THSD4: variants seen among roughly 807,000 people sequenced by gnomAD.
THSD4 encodes the protein thrombospondin type 1 domain containing 4, also known as thrombospondin type-1 domain-containing protein 4.
A neutral mutation model predicts 119.0 loss-of-function variants in THSD4; 69 were observed. The ratio of observed to expected loss-of-function variants is 0.58; its 90% confidence interval spans 0.48 to 0.71. THSD4 has a LOEUF of 0.71. THSD4 is among the 30% of genes least tolerant of loss of function. The pLI is 0.00. For synonymous variants in THSD4, 524 were observed against 540.4 expected, an observed-to-expected ratio of 0.97 and a Z score of 0.42; for missense variants, 1,393 against 1,391.1, an observed-to-expected ratio of 1.00 and a Z score of -0.02.
At chr15:71,403,720 A>C (rs1015777046) in intron 6 of THSD4, among the ~76,000 whole-genome samples, 1 of 152,258 alleles carries the variant, frequency 6.6e-6, no homozygotes, top group Non-Finnish European at 1.5e-5. Flanking sequence ...CAATAAAAGC[A>C]GTAGATCTCT....
chr15:71,684,515 ATCT>A (rs1567099795), intron 8 of THSD4, among the ~76,000 whole-genome samples: 1 of 130,540 alleles, frequency 7.7e-6, no homozygotes, highest in Non-Finnish European at 1.6e-5. Flanking sequence ...TAATCTTGTA[ATCT>A]TTTTTTTTTT....
At chr15:71,746,431 A>G (rs956447564) in intron 12 of THSD4, among the ~76,000 whole-genome samples, 1 of 151,938 alleles carries the variant, frequency 6.6e-6, no homozygotes, top group Non-Finnish European at 1.5e-5. Flanking sequence ...GTCCTACTCC[A>G]TTGCCCAGGC....
intron 8 of THSD4, among the ~76,000 whole-genome samples, chr15:71,710,694 T>C (rs1370360650): frequency 6.6e-6 from 1 of 152,206 alleles, no homozygotes; most frequent in Non-Finnish European, 1.5e-5. Context: ...TAAGCCTGGA[T>C]TGAGCTCTTT....
At chr15:71,150,198 C>G (rs544331290) in intron 2 of THSD4, among the ~76,000 whole-genome samples, 4 of 152,274 alleles carry the variant, frequency 2.6e-5, no homozygotes, top group African/African-American at 9.6e-5. Context: ...AAATAACACA[C>G]GAGTTGCACA....
At chr15:71,131,039 C>T (rs560023346) in intron 1 of THSD4, among the ~76,000 whole-genome samples, 8 of 152,292 alleles carry the variant, frequency 5.3e-5, no homozygotes, top group East Asian at 1.9e-4. Flanking sequence ...CCACTGTGCC[C>T]GGCCAATAAA....
intron 4 of THSD4, among the ~76,000 whole-genome samples, chr15:71,222,955 A>G (rs914189900): frequency 3.3e-5 from 5 of 152,132 alleles, no homozygotes; most frequent in Admixed American, 3.3e-4. Flanking sequence ...TGCCGATGTT[A>G]CTTAACTTTT....
chr15:71,455,071 A>G (rs921316608), intron 7 of THSD4, among the ~76,000 whole-genome samples: 2 of 152,082 alleles, frequency 1.3e-5, no homozygotes, highest in Non-Finnish European at 2.9e-5. Flanking sequence ...GTGGGGCTGG[A>G]TTTTCTACCA....
chr15:71,680,874 A>T (rs1224722313), intron 8 of THSD4, among the ~76,000 whole-genome samples: 1 of 152,170 alleles, frequency 6.6e-6, no homozygotes, highest in African/African-American at 2.4e-5. Context: ...AATGACTGGC[A>T]CAAAATACTT....
chr15:71,671,097 A>G (rs1229764120), intron 8 of THSD4, among the ~76,000 whole-genome samples: 2 of 152,262 alleles, frequency 1.3e-5, no homozygotes, highest in Non-Finnish European at 1.5e-5. Context: ...TTACAGTCCC[A>G]CCAACAGTGT....
At chr15:71,155,165 G>A (rs973697452) in intron 3 of THSD4, among the ~76,000 whole-genome samples, 4 of 152,214 alleles carry the variant, frequency 2.6e-5, no homozygotes, top group Non-Finnish European at 4.4e-5. Context: ...AGGCTGTACA[G>A]GAAGCATGAT....
At chr15:71,679,503 C>A (rs548875647) in intron 8 of THSD4, among the ~76,000 whole-genome samples, 2 of 152,238 alleles carry the variant, frequency 1.3e-5, no homozygotes, top group South Asian at 4.2e-4. Flanking sequence ...TGTGGTTTGC[C>A]CACCCTTGTT....
chr15:71,192,132 T>G (rs1156501324), intron 3 of THSD4, among the ~76,000 whole-genome samples: 7 of 151,654 alleles, frequency 4.6e-5, no homozygotes, highest in Admixed American at 1.3e-4. Context: ...TTGAACTCCT[T>G]ACCTTGTGAT....
chr15:71,550,341 T>A (rs1444180451), intron 7 of THSD4, among the ~76,000 whole-genome samples: 1 of 152,198 alleles, frequency 6.6e-6, no homozygotes, highest in Non-Finnish European at 1.5e-5. Context: ...CATTGTTATA[T>A]GTAGGGACAG....
chr15:71,180,158 A>C (rs1213641401), intron 3 of THSD4, among the ~76,000 whole-genome samples: 3 of 23,918 alleles, frequency 1.3e-4, no homozygotes, highest in Admixed American at 9.0e-4. Flanking sequence ...AAAAACATTA[A>C]AAAAAAAAAA....
At chr15:71,284,863 C>T (rs977746809) in intron 6 of THSD4, among the ~76,000 whole-genome samples, 2 of 152,052 alleles carry the variant, frequency 1.3e-5, no homozygotes, top group African/African-American at 4.8e-5. Context: ...TTTAAGAACA[C>T]TAGTCATGAC....
At chr15:71,628,333 T>C (rs1418222916) in intron 7 of THSD4, among the ~76,000 whole-genome samples, 1 of 152,208 alleles carries the variant, frequency 6.6e-6, no homozygotes, top group African/African-American at 2.4e-5. Flanking sequence ...CTTAACTGGA[T>C]AGTTTTATGT....
At chr15:71,499,942 A>C (rs1250230131) in intron 7 of THSD4, among the ~76,000 whole-genome samples, 1 of 152,212 alleles carries the variant, frequency 6.6e-6, no homozygotes, top group East Asian at 1.9e-4. Flanking sequence ...AGCAGTGAAC[A>C]TGGGTGTGCA....
intron 6 of THSD4, among the ~76,000 whole-genome samples, chr15:71,389,810 G>GTTT (rs556682631): frequency 8.0e-5 from 7 of 87,996 alleles, no homozygotes; most frequent in African/African-American, 8.7e-5. Flanking sequence ...TTTCTGGGTT[G>GTTT]TTTTTTTTTT....
intron 7 of THSD4, among the ~76,000 whole-genome samples, chr15:71,529,650 A>T (rs1345150929): frequency 2.0e-4 from 31 of 152,148 alleles, no homozygotes; most frequent in Admixed American, 1.8e-3. Flanking sequence ...AATAAAAGTA[A>T]TTTTTTTTCT....
Sources: gnomAD v4.1 joint callset for allele counts (sites outside exome capture counted in the v4.1 genomes callset) on GRCh38, gnomAD v4.1.1 for gene constraint, MANE v1.5 for transcripts, NCBI Gene and HGNC (gene_info 2026-07-23, HGNC 2026-07-21) for gene names.